RBM3: variants seen among roughly 807,000 people sequenced by gnomAD.
RBM3 encodes the protein RNA-binding protein 3.
In RBM3, 3 loss-of-function variants were observed where a neutral mutation model predicts 12.0. That is an observed-to-expected ratio of 0.25 (90% confidence interval 0.11 to 0.65). The LOEUF (loss-of-function observed/expected upper bound fraction) is 0.65, where lower values mean the gene tolerates loss of function less well. Ranked by LOEUF, RBM3 falls within the 30% of genes least tolerant of loss-of-function variation. The pLI is 0.84. For synonymous variants in RBM3, 58 were observed against 45.7 expected, an observed-to-expected ratio of 1.27 and a Z score of -1.08; for missense variants, 108 against 134.5, an observed-to-expected ratio of 0.80 and a Z score of 0.97.
rs782424730 is a variant in RBM3, at chrX:48,577,032, G to A, written c.420G>A (p.Gln140=). Residue 140 remains glutamine (Q), a synonymous_variant, in exon 6 of 7, where the codon CAG becomes CAA. Transcript: ENST00000376759. ...GRSRDYNGRN[Q]GGYDRYSGGN... is the part of the protein sequence containing the mutation. The stretch of plus-strand genomic sequence containing the variant: ...TGTTTTTTTTCCCCCCCAGAAACCA[G>A]GGTGGTTATGACCGCTACTCAGGAG... The A allele has an allele frequency of 3.3e-6, 4 of 1,210,919 alleles. No homozygotes were observed. The highest frequency in any genetic ancestry group is 1.1e-6 in the Non-Finnish European group (1 of 895,214).
rs782129924 is a variant in RBM3 at position 48,580,128 on chromosome X, A to G, written c.*2687A>G. On this transcript the variant is annotated 3_prime_UTR_variant, in exon 7 of 7. Transcript: ENST00000376759. ...AAGACCAAACACATGGCCTGTAACT[A>G]CTTTTCACTTTCAAGCCCTGGAACT... is the stretch of plus-strand genomic sequence containing the variant. The G allele has an allele frequency of 4.6e-4, 51 of 111,687 alleles. No individual in the cohort carries two copies. Among genetic ancestry groups the G allele is most frequent in the African/African-American group, 1.5e-3 (45 of 30,793 alleles). 9.2% of individuals were successfully genotyped at this position (111,687 alleles called of 1,213,427 possible).
Position 48,577,617 on chromosome X carries a change from A to C in RBM3, c.*176A>C. 2.3e-6 allele frequency: 1 copy of C among 426,308 alleles called. No individual in the cohort carries two copies. Among genetic ancestry groups the C allele is most frequent in the Non-Finnish European group, 3.2e-6 (1 of 310,550 alleles). 35.1% of individuals were successfully genotyped at this position (426,308 alleles called of 1,213,427 possible). Reference sequence around the variant, plus strand: ...CAAGGTAGCTGAAGACCTTTTAGACAGTTCCATCTTTTTTTTTAAATTTTT... The same window carrying C: ...CAAGGTAGCTGAAGACCTTTTAGACCGTTCCATCTTTTTTTTTAAATTTTT... On this transcript the variant is annotated 3_prime_UTR_variant, in exon 7 of 7. Coordinates refer to ENST00000376759, the MANE Select transcript of RBM3 (RefSeq NM_006743.5).
At chrX:48,576,049 T>G in intron 3 of RBM3, 1 of 1,069,159 alleles carries the variant, frequency 9.4e-7, no homozygotes, top group South Asian at 2.2e-5. Flanking sequence ...CTTAGAGGAG[T>G]GGGGAGGAGA....
chrX:48,577,941 C>T lies in RBM3; in HGVS notation c.*500C>T, dbSNP rs1261387246. On this transcript the variant is annotated 3_prime_UTR_variant, in exon 7 of 7. Coordinates refer to ENST00000376759, the MANE Select transcript of RBM3 (RefSeq NM_006743.5). ...ACTAAACATAAAAAAATTAGCCTGG[C>T]ATGGTGGTGTACGCCTGTAATCCCA... is the stretch of plus-strand genomic sequence containing the variant. The T allele has an allele frequency of 8.8e-6, 1 of 113,949 alleles. No homozygotes were observed. The highest frequency in any genetic ancestry group is 3.3e-5 in the African/African-American group (1 of 30,679). 9.4% of individuals were successfully genotyped at this position (113,949 alleles called of 1,213,427 possible). A position where few individuals can be genotyped will look rare whatever the true frequency, so the allele number is the denominator to read the frequency against.
In RBM3 at chrX:48,581,053, A is replaced by C. The variant is rs1309917394; in HGVS notation, c.*3612A>C. ...GAAATATTTGTATTTACTTAGAGGA[A>C]GTGCCCTGGATCTGGGGGCGGGGGG... On this transcript the variant is annotated 3_prime_UTR_variant, in exon 7 of 7. Coordinates refer to ENST00000376759, the MANE Select transcript of RBM3 (RefSeq NM_006743.5). 1.7e-5 allele frequency: 1 copy of C among 57,307 alleles called. No homozygotes were observed. Among genetic ancestry groups the C allele is most frequent in the African/African-American group, 8.6e-5 (1 of 11,644 alleles). 4.7% of individuals were successfully genotyped at this position (57,307 alleles called of 1,213,427 possible).
At position 48,576,387 on chromosome X, in the gene RBM3, G is replaced by C. The variant is rs1189832869; in HGVS notation, c.284G>C (p.Gly95Ala). ...CGGGGAACCAGAGGAGGTGGCTTTG[G>C]GGCCCATGGGCGTGGTCGCAGCTAC... ...SARGTRGGGF[G>A]AHGRGRSYSR... Residue 95 changes from glycine (G) to alanine (A), a missense_variant, in exon 4 of 7, where the codon GGG becomes GCG. Transcript: ENST00000376759. 5 of 1,209,087 alleles carry C rather than the reference G, an allele frequency of 4.1e-6. No individual in the cohort carries two copies. The highest frequency in any genetic ancestry group is 2.2e-5 in the Admixed American group (1 of 45,600).
In RBM3 at chrX:48,575,204, C is replaced by A. The variant is rs782613569; in HGVS notation, c.24C>A (p.Leu8=). Residue 8 remains leucine (L), a synonymous_variant, in exon 2 of 7, where the codon CTC becomes CTA. Coordinates refer to ENST00000376759, the MANE Select transcript of RBM3 (RefSeq NM_006743.5). The stretch of plus-strand genomic sequence containing the variant: ...CCATGTCCTCTGAAGAAGGAAAGCT[C>A]TTCGTGGGAGGGCTCAACTTTAACA... MSSEEGK[L]FVGGLNFNTD... is the part of the protein sequence containing the mutation. 6 of 1,209,946 alleles carry A rather than the reference C, an allele frequency of 5.0e-6. No homozygotes were observed. The South Asian group carries it at 1.1e-4, about 21-fold the overall frequency.
intron 3 of RBM3, 48 bp downstream of exon 3, chrX:48,575,715 C>T: frequency 1.8e-6 from 2 of 1,116,785 alleles, no homozygotes; most frequent in African/African-American, 1.8e-5. Context: ...CTGCGGCTTC[C>T]TTCATTCTTT....
intron 2 of RBM3, 30 bp downstream of exon 2, chrX:48,575,313 T>G: frequency 8.8e-7 from 1 of 1,139,117 alleles, no homozygotes; most frequent in Non-Finnish European, 1.2e-6. Context: ...CAATGGGGGT[T>G]GGTGAGAGAA....
rs1440090829 is a variant in RBM3 at position 48,580,709 on chromosome X, T to C, written c.*3268T>C. 8.9e-6 allele frequency: 1 copy of C among 112,185 alleles called. No homozygotes were observed. Among genetic ancestry groups the C allele is most frequent in the Non-Finnish European group, 1.9e-5 (1 of 53,276 alleles). The allele number at this position is 112,185 out of a possible 1,213,427, so 9.2% of individuals were successfully genotyped here. On this transcript the variant is annotated 3_prime_UTR_variant, in exon 7 of 7. Transcript: ENST00000376759. The stretch of plus-strand genomic sequence containing the variant: ...ACACCTGGCCTAGGAGTTAAGAGTA[T>C]TAAATGTTAAGAACAGACCAAGTCC...
At position 48,577,884 on chromosome X, in the gene RBM3, C is replaced by T. The variant is rs188646118; in HGVS notation, c.*443C>T. The T allele has an allele frequency of 3.1e-3, 385 of 125,610 alleles. No individual in the cohort carries two copies. Among genetic ancestry groups the T allele is most frequent in the African/African-American group, 0.012 (356 of 30,784 alleles). The allele number at this position is 125,610 out of a possible 1,213,427, so 10.4% of individuals were successfully genotyped here. On this transcript the variant is annotated 3_prime_UTR_variant, in exon 7 of 7. Coordinates refer to ENST00000376759, the MANE Select transcript of RBM3 (RefSeq NM_006743.5). ...TACCTATAAGAAATGTGCATCAAGC[C>T]AGCCTGACCAACATGGTGAAACCCC...
At position 48,576,522 on chromosome X, in the gene RBM3, G is replaced by C. The variant is rs1556989283; in HGVS notation, c.331G>C (p.Gly111Arg). The C allele has an allele frequency of 9.2e-6, 11 of 1,195,603 alleles. No individual in the cohort carries two copies. The highest frequency in any genetic ancestry group is 1.2e-5 in the Non-Finnish European group (11 of 887,066). ...RSYSRGGGDQ[G>R]YGSGRYYDSR... ...TTCTGCTCTAGGTGGTGGGGACCAG[G>C]GCTATGGGAGTGGCAGGTATTATGA... The change falls in exon 5 of 7, where the codon GGC becomes CGC. Residue 111 changes from glycine to arginine, a missense_variant. This residue lies in a region of RBM3 where 65 missense variants were observed against 54.9 expected (regional missense o/e 1.18). Transcript: ENST00000376759.
rs372668123 is a variant in RBM3 at position 48,576,563 on chromosome X, G to T, written c.372G>T (p.Gly124=). The T allele has an allele frequency of 1.7e-6, 2 of 1,183,423 alleles. No individual in the cohort carries two copies. The highest frequency in any genetic ancestry group is 2.3e-6 in the Non-Finnish European group (2 of 880,809). The change falls in exon 5 of 7, where the codon GGG becomes GGT. Residue 124 remains glycine (G), a synonymous_variant. Transcript: ENST00000376759. Reference sequence around the variant, plus strand: ...GGTATTATGACAGTCGACCTGGAGGGTATGGATATGGATATGGACGTTCCA... The same window carrying T: ...GGTATTATGACAGTCGACCTGGAGGTTATGGATATGGATATGGACGTTCCA... ...SGRYYDSRPG[G]YGYGYGRSRD...
Position 48,577,887 on chromosome X carries a change from C to T in RBM3, c.*446C>T, listed in dbSNP as rs2062088006. The T allele has an allele frequency of 8.0e-6, 1 of 125,543 alleles. No individual in the cohort carries two copies. Among genetic ancestry groups the T allele is most frequent in the Non-Finnish European group, 1.6e-5 (1 of 62,856 alleles). The allele number at this position is 125,543 out of a possible 1,213,427, so 10.3% of individuals were successfully genotyped here. A position where few individuals can be genotyped will look rare whatever the true frequency, so the allele number is the denominator to read the frequency against. On this transcript the variant is annotated 3_prime_UTR_variant, in exon 7 of 7. Coordinates refer to ENST00000376759, the MANE Select transcript of RBM3 (RefSeq NM_006743.5). The stretch of plus-strand genomic sequence containing the variant: ...CTATAAGAAATGTGCATCAAGCCAG[C>T]CTGACCAACATGGTGAAACCCCATC...
At chrX:48,576,460 A>G in intron 4 of RBM3, 41 bp downstream of exon 4, 1 of 1,199,406 alleles carries the variant, frequency 8.3e-7, no homozygotes, top group Non-Finnish European at 1.1e-6. Context: ...TGAGAGGGAG[A>G]GTTGCCTATG....
intron 2 of RBM3, 122 bp from the exon 3 acceptor site, chrX:48,575,439 G>C: frequency 2.6e-6 from 2 of 775,464 alleles, no homozygotes; most frequent in Non-Finnish European, 3.8e-6. Flanking sequence ...AAGCGTCTTT[G>C]GGATTAGTGG....
chrX:48,575,290 C>G lies in RBM3; in HGVS notation c.103+7C>G. On this transcript the variant is annotated splice_region_variant and intron_variant, in intron 2 of 6. Coordinates refer to ENST00000376759, the MANE Select transcript of RBM3 (RefSeq NM_006743.5). ...TTCGGACCTATCTCTGAGGGTGAGA[C>G]GGGCCATACTCACAATGGGGGTTGG... 2 of 1,181,369 alleles carry G rather than the reference C, an allele frequency of 1.7e-6. No homozygotes were observed. The highest frequency in any genetic ancestry group is 3.6e-5 in the South Asian group (2 of 55,334).
chrX:48,576,108 G>A, intron 3 of RBM3: 1 of 1,150,124 alleles, frequency 8.7e-7, no homozygotes. Context: ...GGGGAACATG[G>A]TGCATTCAGG....
In RBM3 at chrX:48,575,303, C is replaced by T; in HGVS notation, c.103+20C>T. 8.6e-7 allele frequency: 1 copy of T among 1,159,412 alleles called. No individual in the cohort carries two copies. The highest frequency in any genetic ancestry group is 1.2e-6 in the Non-Finnish European group (1 of 851,587). ...CTGAGGGTGAGACGGGCCATACTCACAATGGGGGTTGGTGAGAGAAAGTCT... is the reference window on the plus strand; with the variant it reads ...CTGAGGGTGAGACGGGCCATACTCATAATGGGGGTTGGTGAGAGAAAGTCT... On this transcript the variant is annotated intron_variant, in intron 2 of 6. Transcript: ENST00000376759.
Sources: allele counts gnomAD v4.1 joint callset, GRCh38; gene constraint gnomAD v4.1.1; regional missense constraint gnomAD v4.1.1; transcripts MANE v1.5; gene names NCBI Gene and HGNC (gene_info 2026-07-23, HGNC 2026-07-21).